Variants in ATP11A observed in about 807,000 individuals in gnomAD.
ATP11A encodes ATPase phospholipid transporting 11A, also known as phospholipid-transporting ATPase IH.
In ATP11A, 81 loss-of-function variants were observed where a neutral mutation model predicts 154.4. The ratio of observed to expected loss-of-function variants is 0.52; its 90% CI spans 0.44 to 0.63. The LOEUF (loss-of-function observed/expected upper bound fraction) is 0.63, where lower values mean the gene tolerates loss of function less well. Among genes scored for constraint, ATP11A ranks in the 30% least tolerant of loss-of-function variants. ATP11A has a pLI of 0.00. For synonymous variants in ATP11A, 623 were observed against 585.9 expected (o/e 1.06, Z -0.91); for missense variants, 1,316 against 1,474.3 (o/e 0.89, Z 1.76).
In ATP11A at chr13:112,727,897, G is replaced by A. The variant is rs567092615; in HGVS notation, c.39+37442G>A. Among the ~76,000 whole-genome samples the A allele has an allele frequency of 3.3e-5, 5 of 152,346 alleles. No individual in the cohort carries two copies. In the East Asian group the frequency reaches 5.8e-4, roughly 18 times the overall value. On this transcript the variant is annotated intron_variant, in intron 1 of 29. Coordinates refer to ENST00000375645, the MANE Select transcript of ATP11A (RefSeq NM_015205.3). ...AGGCTGAGCCCCATTTCTCACATGC[G>A]TTGCGGAATCGAATTCTCCGTGTAA...
rs1367901692 is a variant in ATP11A at position 112,875,112 on chromosome 13, T to C, written c.3162-664T>C. 6.6e-6 allele frequency among the ~76,000 whole-genome samples: 1 copy of C among 152,194 alleles called. No homozygotes were observed. On this transcript the variant is annotated intron_variant, in intron 27 of 29. Coordinates refer to ENST00000375645, the MANE Select transcript of ATP11A (RefSeq NM_015205.3). This position sits in a 1 kb window ranked among gnomAD's most constrained non-coding sequence, Gnocchi z 4.1. Reference sequence around the variant, plus strand: ...TGCCAGCAGCTGCGTGTCCCTCCCGTTACCCACCATGCCCTGCTTCCGTTT... The same window carrying C: ...TGCCAGCAGCTGCGTGTCCCTCCCGCTACCCACCATGCCCTGCTTCCGTTT...
In ATP11A at chr13:112,884,787, C is replaced by T. The variant is rs563301286; in HGVS notation, c.*2921C>T. On this transcript the variant is annotated 3_prime_UTR_variant, in exon 30 of 30. Transcript: ENST00000375645. ...ACCGTCTCAGACACGCACAGTGGGC[C>T]TGCTGCATGATTCACACCCAGTCCC... 1.1e-4 allele frequency: 16 copies of T among 143,572 alleles called. No individual in the cohort carries two copies. The highest frequency in any genetic ancestry group is 1.0e-3 in the Admixed American group (14 of 13,918). 8.9% of individuals were successfully genotyped at this position (143,572 alleles called of 1,614,324 possible).
rs1262838520 is a variant in ATP11A, at chr13:112,838,510, C to T, written c.1705+2259C>T. On this transcript the variant is annotated intron_variant, in intron 16 of 29. Transcript: ENST00000375645. This position sits in a 1 kb window ranked among gnomAD's most constrained non-coding sequence, Gnocchi z 7.3. ...AGCCACCCCGGAGCCGCCCCTGCCGCGCACTCACCCCGGAGCTGGCCCTGC... is the reference window on the plus strand; with the variant it reads ...AGCCACCCCGGAGCCGCCCCTGCCGTGCACTCACCCCGGAGCTGGCCCTGC... Among the ~76,000 whole-genome samples, 1 of 152,216 alleles carries T rather than the reference C, an allele frequency of 6.6e-6. No individual in the cohort carries two copies. Among genetic ancestry groups the T allele is most frequent in the African/African-American group, 2.4e-5 (1 of 41,452 alleles).
At chr13:112,720,987 G>A (rs931655522) in intron 1 of ATP11A, among the ~76,000 whole-genome samples, 3 of 152,130 alleles carry the variant, frequency 2.0e-5, no homozygotes, top group African/African-American at 7.2e-5. Context: ...AGTGGGGGCC[G>A]AGCTGGAATT....
chr13:112,803,833 C>CTTT lies in ATP11A; in HGVS notation c.163-1123_163-1122insTTT, dbSNP rs538666635. On this transcript the variant is annotated intron_variant, in intron 2 of 29. Coordinates refer to ENST00000375645, the MANE Select transcript of ATP11A (RefSeq NM_015205.3). Reference sequence around the variant, plus strand: ...TCCCCTCCTTCCTCTCCTTCCCCTCCTCCTCCTTCCTCTCCTTCCCCTCCT... The same window carrying CTTT: ...TCCCCTCCTTCCTCTCCTTCCCCTCCTTTTCCTCCTTCCTCTCCTTCCCCTCCT... 2.6e-4 allele frequency among the ~76,000 whole-genome samples: 25 copies of CTTT among 95,826 alleles called. 1 individual carries two copies. The highest frequency in any genetic ancestry group is 1.6e-3 in the Admixed American group (14 of 8,826). 62.9% of individuals were successfully genotyped at this position (95,826 alleles called of 152,430 possible).
intron 1 of ATP11A, among the ~76,000 whole-genome samples, chr13:112,760,080 T>C (rs1307004613): frequency 6.6e-6 from 1 of 152,230 alleles, no homozygotes; most frequent in Admixed American, 6.5e-5. Flanking sequence ...GATTTGACTC[T>C]GTTGAAGAGC....
chr13:112,806,849 A>G (rs560543451), intron 4 of ATP11A, among the ~76,000 whole-genome samples: 1 of 152,184 alleles, frequency 6.6e-6, no homozygotes, highest in African/African-American at 2.4e-5. Context: ...CTGTCACCGT[A>G]GAGTCGCCTA....
intron 17 of ATP11A, among the ~76,000 whole-genome samples, chr13:112,846,243 C>T (rs2079604082): frequency 6.6e-6 from 1 of 152,178 alleles, no homozygotes; most frequent in African/African-American, 2.4e-5. Flanking sequence ...AGATATTTTT[C>T]TTCCTTGCTC....
chr13:112,793,436 C>T (rs1227735234), intron 2 of ATP11A, among the ~76,000 whole-genome samples: 1 of 152,230 alleles, frequency 6.6e-6, no homozygotes, highest in African/African-American at 2.4e-5. Context: ...CTCCTGACCT[C>T]AGGTGATTCA....
intron 5 of ATP11A, 83 bp from the exon 6 acceptor site, chr13:112,816,000 G>C (rs2078635860): frequency 6.3e-7 from 1 of 1,579,128 alleles, no homozygotes; most frequent in Non-Finnish European, 8.6e-7. Flanking sequence ...TAGATGAGCA[G>C]CTTGAGGGAA....
chr13:112,876,640 G>A (rs570033179), intron 28 of ATP11A, among the ~76,000 whole-genome samples: 2 of 152,344 alleles, frequency 1.3e-5, no homozygotes, highest in Admixed American at 6.5e-5. Context: ...TTTCATCCCC[G>A]AAATTTCCAA....
chr13:112,784,970 G>A (rs1436102696), intron 1 of ATP11A, among the ~76,000 whole-genome samples, 165 bp from the exon 2 acceptor site: 2 of 152,196 alleles, frequency 1.3e-5, no homozygotes, highest in Admixed American at 6.5e-5. Context: ...AGGGTGGCTC[G>A]GGCCTGGGGT....
At chr13:112,798,119 C>T (rs1375530169) in intron 2 of ATP11A, among the ~76,000 whole-genome samples, 2 of 152,162 alleles carry the variant, frequency 1.3e-5, no homozygotes, top group African/African-American at 4.8e-5. Flanking sequence ...TATACAGGCA[C>T]CTAATCCCAT....
rs2140145795 is a variant in ATP11A, at chr13:112,807,246, C to A, written c.333+953C>A. Among the ~76,000 whole-genome samples, 1 of 152,326 alleles carries A rather than the reference C, an allele frequency of 6.6e-6. No individual in the cohort carries two copies. The highest frequency in any genetic ancestry group is 3.4e-3 in the Middle Eastern group (1 of 294). On this transcript the variant is annotated intron_variant, in intron 4 of 29. Coordinates refer to ENST00000375645, the MANE Select transcript of ATP11A (RefSeq NM_015205.3). The surrounding 1 kb of genome is among the most constrained non-coding windows in gnomAD (Gnocchi z 4.5). ...TCTGACACAGGCAGAGATGGGGACACACAGGGTCCAGTGCAGATGATAAAC... is the reference window on the plus strand; with the variant it reads ...TCTGACACAGGCAGAGATGGGGACAAACAGGGTCCAGTGCAGATGATAAAC...
At chr13:112,848,554 G>A (rs2079671893) in intron 17 of ATP11A, among the ~76,000 whole-genome samples, 1 of 152,118 alleles carries the variant, frequency 6.6e-6, no homozygotes, top group Non-Finnish European at 1.5e-5. Flanking sequence ...TCTCTTTATA[G>A]CCTAATCCTC....
intron 1 of ATP11A, among the ~76,000 whole-genome samples, chr13:112,695,311 CGTAAAGTGTTCATAA>C (rs1868435625): frequency 6.6e-6 from 1 of 152,204 alleles, no homozygotes; most frequent in African/African-American, 2.4e-5. Context: ...AGTACAGACT[CGTAAAGTGTTCATAA>C]TGAACAAATG....
chr13:112,836,257 ATTTCTT>A lies in ATP11A; in HGVS notation c.1705+15_1705+20del. Reference sequence around the variant, plus strand: ...AATTGTAAAATCTGCTACAGGTAAAATTTCTTTTTCTTTTGATTTATTAAGTTATAC... The same window carrying A: ...AATTGTAAAATCTGCTACAGGTAAAATTTCTTTTGATTTATTAAGTTATAC... On this transcript the variant is annotated splice_region_variant and intron_variant, in intron 16 of 29. Coordinates refer to ENST00000375645, the MANE Select transcript of ATP11A (RefSeq NM_015205.3). 6.3e-7 allele frequency: 1 copy of A among 1,591,936 alleles called. No homozygotes were observed. The highest frequency in any genetic ancestry group is 8.6e-7 in the Non-Finnish European group (1 of 1,162,894).
At chr13:112,786,830 GC>G (rs1434984208) in intron 2 of ATP11A, among the ~76,000 whole-genome samples, 4 of 152,264 alleles carry the variant, frequency 2.6e-5, no homozygotes, top group Non-Finnish European at 5.9e-5. Flanking sequence ...TGGGTGTCCT[GC>G]CGTGTAAACT....
chr13:112,778,098 A>C (rs976190986), intron 1 of ATP11A, among the ~76,000 whole-genome samples: 2 of 152,184 alleles, frequency 1.3e-5, no homozygotes, highest in African/African-American at 4.8e-5. Context: ...CGTGGAAATG[A>C]GTCAGATGGG....
Sources: gnomAD v4.1 joint callset for allele counts (sites outside exome capture counted in the v4.1 genomes callset) on GRCh38, gnomAD v4.1.1 for gene constraint, Gnocchi (gnomAD v3.1) non-coding constraint, MANE v1.5 for transcripts, NCBI Gene and HGNC (gene_info 2026-07-23, HGNC 2026-07-21) for gene names.